LRP1B: variants seen among roughly 807,000 people sequenced by gnomAD.
The protein encoded by LRP1B is low-density lipoprotein receptor-related protein 1B.
In LRP1B, 217 loss-of-function variants were observed where a neutral mutation model predicts 556.6. The ratio of observed to expected loss-of-function variants is 0.39; its 90% CI spans 0.35 to 0.44. The LOEUF is 0.44. Ranked by LOEUF, LRP1B falls within the 20% of genes least tolerant of loss-of-function variation. The pLI, the probability that LRP1B is intolerant of heterozygous loss-of-function variation, is 1.00. For synonymous variants in LRP1B, 2,047 were observed against 1,865.8 expected (o/e 1.10, Z -2.50); for missense variants, 5,053 against 5,620.8 (o/e 0.90, Z 3.23).
intron 1 of LRP1B, among the ~76,000 whole-genome samples, chr2:141,996,198 C>T (rs1255439444): frequency 1.7e-5 from 2 of 115,782 alleles, no homozygotes; most frequent in Non-Finnish European, 3.5e-5. Context: ...AGCCTGGCAA[C>T]AGAGCGAGAC....
intron 1 of LRP1B, among the ~76,000 whole-genome samples, chr2:142,029,076 A>C (rs991355992): frequency 6.6e-6 from 1 of 151,742 alleles, no homozygotes; most frequent in African/African-American, 2.4e-5. Flanking sequence ...GATAATGCCT[A>C]AGTTCTTGAA....
intron 2 of LRP1B, among the ~76,000 whole-genome samples, chr2:141,703,910 C>T (rs533275760): frequency 2.0e-5 from 3 of 151,920 alleles, no homozygotes; most frequent in Non-Finnish European, 2.9e-5. Context: ...AGAAAAATCT[C>T]TCATTACAAA....
At chr2:142,076,974 A>G (rs753012471) in intron 1 of LRP1B, among the ~76,000 whole-genome samples, 5 of 152,086 alleles carry the variant, frequency 3.3e-5, no homozygotes, top group Non-Finnish European at 7.4e-5. Context: ...GTGTCACAGA[A>G]TTAAATGTTA....
chr2:140,700,394 G>A lies in LRP1B; in HGVS notation c.6655C>T (p.Arg2219Cys), dbSNP rs149097380. Residue 2219 changes from arginine (R) to cysteine (C), a missense_variant, in exon 41 of 91, where the codon CGT (arginine) becomes TGT (cysteine). Transcript: ENST00000389484. ...AAGGCTATGACATTCTTGAAATAAC[G>A]TGGATTCTCATATGGCCTTATTGGG... is the stretch of plus-strand genomic sequence containing the variant. ...NSPIRPYENPRYFKNVIALAF... is the reference protein window; with the variant it reads ...NSPIRPYENPCYFKNVIALAF... 1.4e-3 allele frequency: 2,329 copies of A among 1,613,246 alleles called. 4 individuals carry two copies. Among genetic ancestry groups the A allele is most frequent in the Non-Finnish European group, 1.8e-3 (2,080 of 1,179,510 alleles).
At position 140,239,445 on chromosome 2, in the gene LRP1B, CT is replaced by C. The variant is rs1558918520; in HGVS notation, c.13411del (p.Arg4471GlufsTer16). On this transcript the variant is annotated frameshift_variant, in exon 88 of 91. Coordinates refer to ENST00000389484, the MANE Select transcript of LRP1B (RefSeq NM_018557.3). LOFTEE classifies it high-confidence loss of function. ...VIGLVLCKRK[R>X]RTKTIRRQPI... is the part of the protein sequence containing the mutation. ...AATCTAGAACATTGCATCTTACCTT[CT>C]TTTTCTTTTACAAAGCACTAAACCA... 1.3e-6 allele frequency: 2 copies of C among 1,583,302 alleles called. No individual in the cohort carries two copies. The highest frequency in any genetic ancestry group is 1.7e-5 in the Admixed American group (1 of 57,984).
intron 57 of LRP1B, among the ~76,000 whole-genome samples, chr2:140,491,973 A>G (rs191662049): frequency 4.6e-5 from 7 of 152,284 alleles, no homozygotes; most frequent in African/African-American, 1.4e-4. Flanking sequence ...CTCTCTATCA[A>G]TGCAGCAGCT....
At chr2:140,896,417 A>G (rs1693955652) in intron 23 of LRP1B, among the ~76,000 whole-genome samples, 1 of 152,196 alleles carries the variant, frequency 6.6e-6, no homozygotes, top group African/African-American at 2.4e-5. Flanking sequence ...AAGAGTGTAG[A>G]GAAATAAAAA....
chr2:141,993,919 TTTTTC>T (rs1265091886), intron 1 of LRP1B, among the ~76,000 whole-genome samples: 9 of 152,294 alleles, frequency 5.9e-5, no homozygotes, highest in African/African-American at 1.9e-4. Context: ...GTTTATGTTT[TTTTTC>T]TTTGTCCTCA....
intron 2 of LRP1B, among the ~76,000 whole-genome samples, chr2:141,536,555 A>G (rs1219956166): frequency 6.6e-6 from 1 of 152,088 alleles, no homozygotes; most frequent in Admixed American, 6.6e-5. Context: ...TTATCAATAA[A>G]ATAATACATT....
chr2:141,399,561 T>C (rs1014867995), intron 3 of LRP1B, among the ~76,000 whole-genome samples: 4 of 152,176 alleles, frequency 2.6e-5, no homozygotes, highest in Admixed American at 6.5e-5. Flanking sequence ...TCATGGTTAC[T>C]TTATTAACAG....
At chr2:141,747,035 G>C (rs539689226) in intron 2 of LRP1B, among the ~76,000 whole-genome samples, 2 of 152,256 alleles carry the variant, frequency 1.3e-5, no homozygotes, top group Middle Eastern at 6.8e-3. Context: ...CTATCCCAAG[G>C]AAGGGAAACC....
chr2:140,304,797 T>TCA (rs1479013546), intron 83 of LRP1B, among the ~76,000 whole-genome samples: 1 of 152,168 alleles, frequency 6.6e-6, no homozygotes, highest in Non-Finnish European at 1.5e-5. Flanking sequence ...AGGTCTAACG[T>TCA]TTAAGTCTTT....
chr2:140,716,188 C>G (rs1687203592), intron 36 of LRP1B, 86 bp from the exon 37 acceptor site: 1 of 951,730 alleles, frequency 1.1e-6, no homozygotes, highest in South Asian at 2.1e-5. Context: ...TCTGAGCATT[C>G]ACATAACTAT....
intron 11 of LRP1B, among the ~76,000 whole-genome samples, chr2:141,020,795 C>G (rs1466176057): frequency 1.3e-5 from 2 of 151,848 alleles, no homozygotes; most frequent in Non-Finnish European, 2.9e-5. Flanking sequence ...TAATTCAAAC[C>G]CTTTATTTTA....
intron 29 of LRP1B, among the ~76,000 whole-genome samples, chr2:140,845,033 G>C (rs1332105380): frequency 6.6e-6 from 1 of 152,098 alleles, no homozygotes; most frequent in Non-Finnish European, 1.5e-5. Context: ...ACACCCTAGT[G>C]AAAGATGAGT....
chr2:141,927,933 G>GAAAGAA (rs1453536056), intron 1 of LRP1B, among the ~76,000 whole-genome samples: 4 of 126,938 alleles, frequency 3.2e-5, no homozygotes, highest in African/African-American at 1.2e-4. Flanking sequence ...AAGAAAGAAA[G>GAAAGAA]AAAAAAAAAA....
At chr2:140,322,110 AAG>A in intron 81 of LRP1B, 22 bp from the exon 82 acceptor site, 3 of 1,606,484 alleles carry the variant, frequency 1.9e-6, no homozygotes, top group Non-Finnish European at 2.5e-6. Flanking sequence ...AAAGAAAACA[AAG>A]AAGTGTGTAA....
intron 6 of LRP1B, among the ~76,000 whole-genome samples, chr2:141,204,322 G>A (rs1682174131): frequency 6.6e-6 from 1 of 152,166 alleles, no homozygotes; most frequent in Non-Finnish European, 1.5e-5. Context: ...TTTGACATGG[G>A]TAGAAATTAC....
intron 3 of LRP1B, among the ~76,000 whole-genome samples, chr2:141,353,656 G>C (rs2714208): frequency 0.53 from 80,615 of 151,662 alleles, 22,204 homozygotes; most frequent in Non-Finnish European, 0.6. Context: ...CCATAAAACA[G>C]TATAGAAGAA....
Sources: gnomAD v4.1 joint callset for allele counts (sites outside exome capture counted in the v4.1 genomes callset) on GRCh38, gnomAD v4.1.1 for gene constraint, MANE v1.5 for transcripts, NCBI Gene and HGNC (gene_info 2026-07-23, HGNC 2026-07-21) for gene names.